Variants in TRANK1 observed in about 807,000 individuals in gnomAD.
TRANK1 encodes tetratricopeptide repeat and ankyrin repeat containing 1, also known as TPR and ankyrin repeat-containing protein 1.
In TRANK1, 198 loss-of-function variants were observed where a neutral mutation model predicts 266.0. That is an observed-to-expected ratio of 0.74 (90% confidence interval 0.66 to 0.84). TRANK1 has a LOEUF of 0.84. Among genes scored for constraint, TRANK1 ranks in the 40% least tolerant of loss-of-function variants. The probability of loss-of-function intolerance (pLI) is 0.00; values close to 1 mark genes in which losing one functional copy is unlikely to be tolerated. For missense variants in TRANK1, 3,326 were observed against 3,634.6 expected (o/e 0.92, Z 2.18); for synonymous variants, 1,396 against 1,384.1 (o/e 1.01, Z -0.19).
chr3:36,882,189 T>C (rs1438203466), intron 8 of TRANK1, among the ~76,000 whole-genome samples: 1 of 152,244 alleles, frequency 6.6e-6, no homozygotes, highest in Non-Finnish European at 1.5e-5. Context: ...ACCATTTTTC[T>C]TACCCACCAG....
rs911740832 is a variant in TRANK1, at chr3:36,857,454, G to A, written c.2268C>T (p.Ser756=). 3 of 1,613,872 alleles carry A rather than the reference G, an allele frequency of 1.9e-6. No individual in the cohort carries two copies. Among genetic ancestry groups the A allele is most frequent in the African/African-American group, 1.3e-5 (1 of 74,936 alleles). Residue 756 remains serine, a synonymous_variant, in exon 13 of 24, where the codon AGC becomes AGT. Coordinates refer to ENST00000645898, the MANE Select transcript of TRANK1 (RefSeq NM_001329998.2). This position sits in a 1 kb window ranked among gnomAD's most constrained non-coding sequence, Gnocchi z 4.3. The stretch of plus-strand genomic sequence containing the variant: ...CAGCTCCTGCCTCCAGAGGCTCAGA[G>A]CTCTGAAGACAGTCCTCTGGGAAAG... The part of the protein sequence containing the change: ...DPSFPEDCLQ[S]SEPLEAGAGK...
chr3:36,841,283 T>C (rs1162987302), intron 18 of TRANK1, among the ~76,000 whole-genome samples: 1 of 152,226 alleles, frequency 6.6e-6, no homozygotes, highest in East Asian at 1.9e-4. Context: ...TCCTGTAACA[T>C]TTGAGGAGCT....
chr3:36,885,753 T>A (rs1203197331), intron 8 of TRANK1, among the ~76,000 whole-genome samples: 5 of 152,130 alleles, frequency 3.3e-5, no homozygotes, highest in Non-Finnish European at 7.3e-5. Flanking sequence ...TTGCCCAGGC[T>A]GGTCTCGAAC....
At chr3:36,912,036 A>G (rs2080059942) in intron 1 of TRANK1, among the ~76,000 whole-genome samples, 1 of 152,072 alleles carries the variant, frequency 6.6e-6, no homozygotes, top group South Asian at 2.1e-4. Flanking sequence ...AAAAATATAC[A>G]AAAATTAGCC....
Position 36,899,233 on chromosome 3 carries a change from C to G in TRANK1, c.309G>C (p.Leu103Phe). Residue 103 changes from leucine (L) to phenylalanine (F), a missense_variant, in exon 4 of 24, where the codon TTG (leucine) becomes TTC (phenylalanine). Coordinates refer to ENST00000645898, the MANE Select transcript of TRANK1 (RefSeq NM_001329998.2). The part of the protein sequence containing the change: ...VKGYYRAGYS[L>F]LRLHQPYEAA... Reference sequence around the variant, plus strand: ...CTTCGTAAGGCTGGTGCAACCTCAGCAAGGAATAACCAGCTCGGTAGTATC... The same window carrying G: ...CTTCGTAAGGCTGGTGCAACCTCAGGAAGGAATAACCAGCTCGGTAGTATC... The G allele has an allele frequency of 1.3e-6, 2 of 1,537,254 alleles. No homozygotes were observed. The highest frequency in any genetic ancestry group is 1.7e-6 in the Non-Finnish European group (2 of 1,146,914).
Position 36,861,118 on chromosome 3 carries a change from GCA to G in TRANK1, c.1281_1282del (p.Ala428HisfsTer15). The G allele has an allele frequency of 6.5e-7, 1 of 1,537,344 alleles. No homozygotes were observed. On this transcript the variant is annotated frameshift_variant, in exon 11 of 24. Coordinates refer to ENST00000645898, the MANE Select transcript of TRANK1 (RefSeq NM_001329998.2). LOFTEE classifies it high-confidence loss of function. ...CAATAAGAATTTGAAGACGGTGGTGGCACAGTCTTGATTAATATCACAGACCA... is the reference window on the plus strand; with the variant it reads ...CAATAAGAATTTGAAGACGGTGGTGGCAGTCTTGATTAATATCACAGACCA...
At chr3:36,890,485 G>A (rs1289183233) in intron 7 of TRANK1, among the ~76,000 whole-genome samples, 2 of 152,178 alleles carry the variant, frequency 1.3e-5, no homozygotes, top group African/African-American at 4.8e-5. Context: ...AAGGTCCAGA[G>A]AGAACCTCTC....
At chr3:36,900,618 G>A (rs1379116276) in intron 3 of TRANK1, among the ~76,000 whole-genome samples, 1 of 151,970 alleles carries the variant, frequency 6.6e-6, no homozygotes, top group East Asian at 1.9e-4. Context: ...ACTCTAGCCT[G>A]TAATTCCAGC....
chr3:36,884,936 A>G lies in TRANK1; in HGVS notation c.907+4893T>C, dbSNP rs1190162221. Among the ~76,000 whole-genome samples, 21 of 70,432 alleles carry G rather than the reference A, an allele frequency of 3.0e-4. No homozygotes were observed. The East Asian group carries it at 0.017, about 57-fold the overall frequency. 46.2% of individuals were successfully genotyped at this position (70,432 alleles called of 152,430 possible). A position where few individuals can be genotyped will look rare whatever the true frequency, so the allele number is the denominator to read the frequency against. On this transcript the variant is annotated intron_variant, in intron 8 of 23. Coordinates refer to ENST00000645898, the MANE Select transcript of TRANK1 (RefSeq NM_001329998.2). ...GACAGAGCAAGACTCTGTCTCAGAA[A>G]AAAAAAAAAAAAAATTAAACAATAA... is the stretch of plus-strand genomic sequence containing the variant.
At chr3:36,897,422 T>C (rs923440697) in intron 4 of TRANK1, among the ~76,000 whole-genome samples, 4 of 152,222 alleles carry the variant, frequency 2.6e-5, no homozygotes, top group African/African-American at 7.2e-5. Context: ...AGCACCTATC[T>C]AGAGACTTTC....
intron 1 of TRANK1, among the ~76,000 whole-genome samples, chr3:36,937,959 G>A (rs1233104243): frequency 2.0e-5 from 3 of 152,154 alleles, no homozygotes; most frequent in African/African-American, 4.8e-5. Context: ...GCATTTAAAT[G>A]CTAACTAATG....
chr3:36,906,342 G>T (rs1268171884), intron 2 of TRANK1, among the ~76,000 whole-genome samples: 1 of 152,138 alleles, frequency 6.6e-6, no homozygotes, highest in Non-Finnish European at 1.5e-5. Context: ...ACATCTGCTC[G>T]CTCTACTGCA....
At chr3:36,936,989 A>G (rs1156923065) in intron 1 of TRANK1, among the ~76,000 whole-genome samples, 2 of 152,050 alleles carry the variant, frequency 1.3e-5, no homozygotes, top group Non-Finnish European at 2.9e-5. Flanking sequence ...AATCACAGCT[A>G]CTCTGGAGGC....
At chr3:36,900,383 T>A (rs937529695) in intron 3 of TRANK1, among the ~76,000 whole-genome samples, 2 of 152,146 alleles carry the variant, frequency 1.3e-5, no homozygotes, top group African/African-American at 4.8e-5. Context: ...TTCTACATTA[T>A]AAGCAATATT....
chr3:36,936,354 G>A (rs1559482235), intron 1 of TRANK1, among the ~76,000 whole-genome samples: 2 of 151,954 alleles, frequency 1.3e-5, no homozygotes, highest in Non-Finnish European at 2.9e-5. Flanking sequence ...GCATGGTGGT[G>A]TATGCCTGTA....
intron 9 of TRANK1, 75 bp downstream of exon 9, chr3:36,874,051 A>C: frequency 1.5e-6 from 2 of 1,356,832 alleles, no homozygotes; most frequent in African/African-American, 2.9e-5. Flanking sequence ...TACCAAAAAG[A>C]GATAAACTGA....
Position 36,857,076 on chromosome 3 carries a change from C to CA in TRANK1, c.2645dup (p.Lys883GlufsTer10). The CA allele has an allele frequency of 6.2e-7, 1 of 1,614,058 alleles. No individual in the cohort carries two copies. Among genetic ancestry groups the CA allele is most frequent in the Non-Finnish European group, 8.5e-7 (1 of 1,179,892 alleles). ...CTTCGAAGAGCTGGATGCTTCCTTT[C>CA]AGGTGCTTCAGTCGCTTCTGCAGGC... On this transcript the variant is annotated frameshift_variant, in exon 13 of 24. Coordinates refer to ENST00000645898, the MANE Select transcript of TRANK1 (RefSeq NM_001329998.2). LOFTEE classifies it high-confidence loss of function. The surrounding 1 kb of genome is among the most constrained non-coding windows in gnomAD (Gnocchi z 4.3).
chr3:36,830,823 C>CA (rs2078682250), intron 22 of TRANK1, 50 bp downstream of exon 22: 1 of 1,518,850 alleles, frequency 6.6e-7, no homozygotes, highest in African/African-American at 1.4e-5. Context: ...GAAATGTCCT[C>CA]AGAGCCCAGG....
chr3:36,878,392 T>G (rs936190898), intron 8 of TRANK1, among the ~76,000 whole-genome samples: 5 of 152,214 alleles, frequency 3.3e-5, no homozygotes, highest in African/African-American at 1.2e-4. Context: ...ATTACAAGAC[T>G]TGGTTCACTC....
Sources: gnomAD v4.1 joint callset for allele counts (sites outside exome capture counted in the v4.1 genomes callset) on GRCh38, gnomAD v4.1.1 for gene constraint, Gnocchi (gnomAD v3.1) non-coding constraint, MANE v1.5 for transcripts, NCBI Gene and HGNC (gene_info 2026-07-23, HGNC 2026-07-21) for gene names.